RAD51B: variants seen among roughly 807,000 people sequenced by gnomAD.
RAD51B encodes the protein DNA repair protein RAD51 homolog 2.
Under a neutral mutation model 42.2 loss-of-function variants are expected in RAD51B, and 38 were observed. That is an observed-to-expected ratio of 0.90 (90% CI 0.70 to 1.18). RAD51B has a LOEUF of 1.18. RAD51B is among the 50% of genes most tolerant of loss of function. The pLI, the probability that RAD51B is intolerant of heterozygous loss-of-function variation, is 0.00. For synonymous variants in RAD51B, 154 were observed against 145.2 expected (o/e 1.06, Z -0.43); for missense variants, 373 against 400.7 (o/e 0.93, Z 0.59).
At chr14:67,969,722 A>G (rs147455085) in intron 7 of RAD51B, among the ~76,000 whole-genome samples, 1,694 of 152,302 alleles carry the variant, frequency 0.011, 34 homozygotes, top group African/African-American at 0.039. Flanking sequence ...AAATATTTAA[A>G]TAGATAAAAC....
chr14:68,396,041 G>A (rs2083910266), intron 8 of RAD51B, among the ~76,000 whole-genome samples: 2 of 152,174 alleles, frequency 1.3e-5, no homozygotes, highest in East Asian at 3.8e-4. Flanking sequence ...TCTAAAACAA[G>A]GACGGACTCC....
chr14:68,596,578 C>G (rs1235761778), downstream of RAD51B, among the ~76,000 whole-genome samples: 1 of 152,128 alleles, frequency 6.6e-6, no homozygotes, highest in Non-Finnish European at 1.5e-5. Flanking sequence ...ACCGTGTTCC[C>G]CATAGAGTAA....
chr14:68,665,362 C>T (rs1028980842), intron 11 of RAD51B, among the ~76,000 whole-genome samples: 2 of 152,222 alleles, frequency 1.3e-5, no homozygotes, highest in South Asian at 2.1e-4. Flanking sequence ...AGACAAGGAT[C>T]GAGCTTCATC....
chr14:67,958,640 T>G (rs1223412116), intron 7 of RAD51B, among the ~76,000 whole-genome samples: 1 of 152,220 alleles, frequency 6.6e-6, no homozygotes, highest in Non-Finnish European at 1.5e-5. Context: ...TGGGACAACC[T>G]TTTGAATAGT....
chr14:67,882,428 C>G (rs2042935719), intron 5 of RAD51B, among the ~76,000 whole-genome samples: 1 of 152,176 alleles, frequency 6.6e-6, no homozygotes, highest in Non-Finnish European at 1.5e-5. Context: ...TCTTCTATAT[C>G]TGTACTCAAT....
rs769134471 is a variant in RAD51B at position 68,477,643 on chromosome 14, T to C, written c.1037-5T>C. 2.5e-6 allele frequency: 4 copies of C among 1,608,118 alleles called. No homozygotes were observed. In the East Asian group the frequency reaches 8.9e-5, roughly 36 times the overall value. On this transcript the variant is annotated splice_region_variant and splice_polypyrimidine_tract_variant and intron_variant, in intron 10 of 10. Coordinates refer to ENST00000471583, the MANE Select transcript of RAD51B (RefSeq NM_133510.4). ...AACTTTCTCTTTTTTTTTTTTTTCC[T>C]TTAGGCCAAGAGAAGCCATAGGGAT...
At chr14:68,359,567 G>C (rs1414404001) in intron 8 of RAD51B, among the ~76,000 whole-genome samples, 1 of 152,194 alleles carries the variant, frequency 6.6e-6, no homozygotes, top group Admixed American at 6.5e-5. Context: ...TGGGCAGCCA[G>C]ACCAGATCAG....
At chr14:67,835,611 A>G (rs1024651306) in intron 4 of RAD51B, among the ~76,000 whole-genome samples, 3 of 151,550 alleles carry the variant, frequency 2.0e-5, no homozygotes, top group Non-Finnish European at 2.9e-5. Context: ...AAATAACATT[A>G]TATATTTTAT....
At chr14:68,052,997 C>T (rs1420427551) in intron 7 of RAD51B, among the ~76,000 whole-genome samples, 1 of 152,094 alleles carries the variant, frequency 6.6e-6, no homozygotes, top group Non-Finnish European at 1.5e-5. Flanking sequence ...TCTTATCACC[C>T]ATTAGTTTTA....
chr14:68,338,287 CTCTG>C (rs1353939716), intron 8 of RAD51B, among the ~76,000 whole-genome samples: 1 of 152,200 alleles, frequency 6.6e-6, no homozygotes, highest in Non-Finnish European at 1.5e-5. Context: ...AGGTGTAGCT[CTCTG>C]TCTGCCTGGC....
chr14:68,411,492 C>T lies in RAD51B; in HGVS notation c.922C>T (p.Leu308=), dbSNP rs2140082938. ...CTGGAGTCACAGTGTGAATACCCGG[C>T]TGATCCTCCAGTACCTTGATTCAGA... ...NTWSHSVNTR[L]ILQYLDSERR... Residue 308 remains leucine (L), a synonymous_variant, in exon 9 of 11, where the codon CTG becomes TTG. Coordinates refer to ENST00000471583, the MANE Select transcript of RAD51B (RefSeq NM_133510.4). The T allele has an allele frequency of 6.2e-7, 1 of 1,614,150 alleles. No individual in the cohort carries two copies. Among genetic ancestry groups the T allele is most frequent in the Non-Finnish European group, 8.5e-7 (1 of 1,180,004 alleles).
At chr14:68,498,423 G>T (rs1271987079) in intron 10 of RAD51B, among the ~76,000 whole-genome samples, 1 of 152,178 alleles carries the variant, frequency 6.6e-6, no homozygotes, top group Non-Finnish European at 1.5e-5. Flanking sequence ...CTTCTTTCCA[G>T]TTAGTCCCCA....
intron 7 of RAD51B, among the ~76,000 whole-genome samples, chr14:68,058,135 T>A (rs936009812): frequency 6.6e-6 from 1 of 152,088 alleles, no homozygotes; most frequent in Admixed American, 6.6e-5. Context: ...AATTTTATCT[T>A]TATTGTATTT....
At chr14:68,141,926 A>C (rs1300326802) in intron 7 of RAD51B, among the ~76,000 whole-genome samples, 1 of 152,098 alleles carries the variant, frequency 6.6e-6, no homozygotes, top group Non-Finnish European at 1.5e-5. Flanking sequence ...CTTTCAAAGT[A>C]CCTTTTATCA....
intron 7 of RAD51B, among the ~76,000 whole-genome samples, chr14:67,968,227 C>G (rs1234686247): frequency 6.6e-6 from 1 of 152,168 alleles, no homozygotes; most frequent in East Asian, 1.9e-4. Context: ...ATTTTTTCCT[C>G]CTAGGCTTCT....
At chr14:68,440,683 T>A (rs1175278585) in intron 9 of RAD51B, among the ~76,000 whole-genome samples, 1 of 151,652 alleles carries the variant, frequency 6.6e-6, no homozygotes, top group East Asian at 1.9e-4. Flanking sequence ...GAGGTGGAGG[T>A]TGCAGTGAGG....
intron 7 of RAD51B, among the ~76,000 whole-genome samples, chr14:68,206,676 A>ATT (rs1191775941): frequency 2.1e-4 from 27 of 131,582 alleles, no homozygotes; most frequent in African/African-American, 6.6e-4. Context: ...TCCACCGTCT[A>ATT]TTTTTTTTTT....
chr14:68,452,740 C>T (rs971428494), intron 9 of RAD51B, among the ~76,000 whole-genome samples: 9 of 151,900 alleles, frequency 5.9e-5, no homozygotes, highest in Admixed American at 5.9e-4. Context: ...CTATGACGTA[C>T]CGCATTTTTC....
intron 10 of RAD51B, among the ~76,000 whole-genome samples, chr14:68,619,789 C>T (rs560599520): frequency 6.6e-6 from 1 of 152,324 alleles, no homozygotes; most frequent in Non-Finnish European, 1.5e-5. Flanking sequence ...TCTGTGAAAA[C>T]CCATTAAACG....
Sources: allele counts gnomAD v4.1 joint callset (sites outside exome capture counted in the v4.1 genomes callset), GRCh38; gene constraint gnomAD v4.1.1; transcripts MANE v1.5; gene names NCBI Gene and HGNC (gene_info 2026-07-23, HGNC 2026-07-21).